Variants in PLEKHA7 observed in about 807,000 individuals in gnomAD.
PLEKHA7 encodes the protein pleckstrin homology domain-containing family A member 7.
Under a neutral mutation model 170.0 loss-of-function variants are expected in PLEKHA7, and 104 were observed. That is an observed-to-expected ratio of 0.61 (90% CI 0.52 to 0.72). PLEKHA7 has a LOEUF of 0.72. Among genes scored for constraint, PLEKHA7 ranks in the 30% least tolerant of loss-of-function variants. The pLI is 0.00. For synonymous variants in PLEKHA7, 648 were observed against 660.8 expected, an observed-to-expected ratio of 0.98 and a Z score of 0.30; for missense variants, 1,615 against 1,671.7, an observed-to-expected ratio of 0.97 and a Z score of 0.59.
chr11:16,944,852 T>A (rs1210885234), intron 3 of PLEKHA7, among the ~76,000 whole-genome samples: 1 of 152,242 alleles, frequency 6.6e-6, no homozygotes, highest in African/African-American at 2.4e-5. Flanking sequence ...AAATATACAT[T>A]ATCTCATTAA....
At chr11:17,010,773 A>C (rs1257473029) in intron 3 of PLEKHA7, among the ~76,000 whole-genome samples, 3 of 152,214 alleles carry the variant, frequency 2.0e-5, no homozygotes, top group African/African-American at 7.2e-5. Flanking sequence ...AGATTAGAGG[A>C]GGCTCCTGCC....
chr11:16,875,404 G>C (rs143252965), intron 3 of PLEKHA7, among the ~76,000 whole-genome samples: 170 of 150,706 alleles, frequency 1.1e-3, no homozygotes, highest in African/African-American at 3.8e-3. Context: ...AGATGAACCA[G>C]AGTAATGGCT....
At chr11:16,838,228 C>T (rs1462717282) in intron 9 of PLEKHA7, among the ~76,000 whole-genome samples, 15 of 152,150 alleles carry the variant, frequency 9.9e-5, no homozygotes, top group Admixed American at 9.8e-4. Flanking sequence ...GCCCATTGAG[C>T]TGGGCATGGT....
intron 3 of PLEKHA7, among the ~76,000 whole-genome samples, chr11:16,948,396 T>A (rs10832705): frequency 0.32 from 48,983 of 152,026 alleles, 8,445 homozygotes; most frequent in Non-Finnish European, 0.39. Context: ...TATCAAAACA[T>A]CATGCTATAC....
chr11:16,795,335 TAG>T, intron 17 of PLEKHA7: 2 of 283,502 alleles, frequency 7.1e-6, no homozygotes, highest in Non-Finnish European at 1.3e-5. Flanking sequence ...GTCAATTTCG[TAG>T]AGACAGGAAG....
Position 16,777,950 on chromosome 11 carries a change from T to C in PLEKHA7, c.*1048A>G, listed in dbSNP as rs1185094871. ...CAATGAAAGTTGCTTCCTCTCACCT[T>C]TTCTGTATTTCAATGTGTACTGTTA... On this transcript the variant is annotated 3_prime_UTR_variant, in exon 27 of 27. Coordinates refer to ENST00000531066, the MANE Select transcript of PLEKHA7 (RefSeq NM_001329630.2). 1.3e-5 allele frequency: 2 copies of C among 152,222 alleles called. No homozygotes were observed. Among genetic ancestry groups the C allele is most frequent in the African/African-American group, 4.8e-5 (2 of 41,442 alleles). 9.4% of individuals were successfully genotyped at this position (152,222 alleles called of 1,614,324 possible).
intron 3 of PLEKHA7, among the ~76,000 whole-genome samples, chr11:17,002,124 C>T (rs891439881): frequency 6.6e-6 from 1 of 152,194 alleles, no homozygotes; most frequent in Non-Finnish European, 1.5e-5. Flanking sequence ...TATGCACCAT[C>T]CATCACTCTT....
chr11:16,835,043 G>A (rs1167319229), intron 9 of PLEKHA7, among the ~76,000 whole-genome samples: 2 of 152,216 alleles, frequency 1.3e-5, no homozygotes, highest in Non-Finnish European at 2.9e-5. Flanking sequence ...GCTGAGGTAG[G>A]TGGATCACTT....
chr11:16,884,738 G>C (rs1008943761), intron 3 of PLEKHA7, among the ~76,000 whole-genome samples: 13 of 152,160 alleles, frequency 8.5e-5, no homozygotes, highest in African/African-American at 3.1e-4. Flanking sequence ...AGGAGAGGCA[G>C]AATGACCTTT....
intron 3 of PLEKHA7, among the ~76,000 whole-genome samples, chr11:16,908,025 T>C (rs1292875261): frequency 9.3e-5 from 14 of 151,272 alleles, no homozygotes; most frequent in South Asian, 4.2e-4. Flanking sequence ...GGATTAAGGG[T>C]GGTGCAAGAT....
At position 16,803,047 on chromosome 11, in the gene PLEKHA7, T is replaced by C; in HGVS notation, c.2082A>G (p.Lys694=). The change falls in exon 15 of 27, where the codon AAA becomes AAG. Residue 694 remains lysine, a synonymous_variant. Transcript: ENST00000531066. ...TGTCTTGTTCACAGAAGATGCTCAG[T>C]TTGACCTAAAAGCAAGAACAGGTGG... The part of the protein sequence containing the change: ...VKIAESDTDV[K]LSIFCEQDRV... The C allele has an allele frequency of 6.2e-7, 1 of 1,614,132 alleles. No individual in the cohort carries two copies.
intron 3 of PLEKHA7, among the ~76,000 whole-genome samples, chr11:16,919,421 A>T (rs1858926119): frequency 6.6e-6 from 1 of 152,136 alleles, no homozygotes; most frequent in Non-Finnish European, 1.5e-5. Context: ...TGGTGCCTGT[A>T]ATCCCAGCTT....
At chr11:16,822,201 G>C (rs1349701583) in intron 10 of PLEKHA7, among the ~76,000 whole-genome samples, 3 of 152,108 alleles carry the variant, frequency 2.0e-5, no homozygotes, top group Non-Finnish European at 4.4e-5. Flanking sequence ...ACTTATCACT[G>C]CATATCAGTC....
At chr11:16,991,119 C>T (rs997516726) in intron 3 of PLEKHA7, among the ~76,000 whole-genome samples, 13 of 152,142 alleles carry the variant, frequency 8.5e-5, no homozygotes, top group African/African-American at 1.9e-4. Context: ...AGCCCTCAGC[C>T]GGAGTACCCA....
At chr11:16,809,614 G>A (rs1249010160) in intron 13 of PLEKHA7, among the ~76,000 whole-genome samples, 2 of 152,178 alleles carry the variant, frequency 1.3e-5, no homozygotes, top group African/African-American at 4.8e-5. Context: ...TGTCCAGCAT[G>A]TCATAGAATC....
intron 19 of PLEKHA7, among the ~76,000 whole-genome samples, chr11:16,792,296 C>T (rs1220213272): frequency 6.6e-6 from 1 of 152,054 alleles, no homozygotes; most frequent in African/African-American, 2.4e-5. Flanking sequence ...TTATTATGTA[C>T]TTTTTTATAT....
chr11:16,878,993 T>C (rs1263713391), intron 3 of PLEKHA7, among the ~76,000 whole-genome samples: 3 of 152,060 alleles, frequency 2.0e-5, no homozygotes, highest in Admixed American at 2.0e-4. Context: ...AACTCCCCTG[T>C]AAAGGAGGGT....
chr11:16,935,332 T>C (rs1034744580), intron 3 of PLEKHA7, among the ~76,000 whole-genome samples: 14 of 151,972 alleles, frequency 9.2e-5, no homozygotes, highest in African/African-American at 3.4e-4. Flanking sequence ...ACTCGGGAGG[T>C]TGAGGCAGAA....
chr11:16,987,866 T>G (rs1470865304), intron 3 of PLEKHA7, among the ~76,000 whole-genome samples: 2 of 152,220 alleles, frequency 1.3e-5, no homozygotes, highest in Non-Finnish European at 2.9e-5. Flanking sequence ...GAAACTCATT[T>G]GATAACATAT....
Sources: allele counts gnomAD v4.1 joint callset (sites outside exome capture counted in the v4.1 genomes callset), GRCh38; gene constraint gnomAD v4.1.1; transcripts MANE v1.5; gene names NCBI Gene and HGNC (gene_info 2026-07-23, HGNC 2026-07-21).